DLG2: variants seen among roughly 807,000 people sequenced by gnomAD.
DLG2 encodes the protein discs large MAGUK scaffold protein 2.
DLG2 carries 45 observed loss-of-function variants against 132.5 expected under a neutral mutation model. The ratio of observed to expected loss-of-function variants is 0.34; its 90% CI spans 0.27 to 0.44. DLG2 has a LOEUF of 0.44. DLG2 is among the 20% of genes least tolerant of loss of function. The pLI, the probability that DLG2 is intolerant of heterozygous loss-of-function variation, is 1.00. For missense variants in DLG2, 1,045 were observed against 1,196.9 expected, an observed-to-expected ratio of 0.87 and a Z score of 1.87; for synonymous variants, 424 against 419.6, an observed-to-expected ratio of 1.01 and a Z score of -0.13.
At chr11:85,038,151 A>C (rs2154147845) in intron 6 of DLG2, among the ~76,000 whole-genome samples, 1 of 152,258 alleles carries the variant, frequency 6.6e-6, no homozygotes, top group South Asian at 2.1e-4. Context: ...TCTAGACCTC[A>C]TGATTCAGTT....
intron 8 of DLG2, among the ~76,000 whole-genome samples, chr11:84,177,552 C>A (rs2096004628): frequency 6.6e-6 from 1 of 152,144 alleles, no homozygotes; most frequent in Non-Finnish European, 1.5e-5. Context: ...AGTTCCTCCT[C>A]AATAAATTAC....
intron 7 of DLG2, among the ~76,000 whole-genome samples, chr11:84,390,568 T>C (rs2098789143): frequency 6.6e-6 from 1 of 152,020 alleles, no homozygotes; most frequent in Non-Finnish European, 1.5e-5. Flanking sequence ...CCGCAGGTGG[T>C]AAACAGGAAT....
chr11:84,483,701 G>A (rs1206272691), intron 7 of DLG2, among the ~76,000 whole-genome samples: 2 of 152,152 alleles, frequency 1.3e-5, no homozygotes, highest in Non-Finnish European at 2.9e-5. Flanking sequence ...AAGCAGTTAG[G>A]TACTTTTGAA....
chr11:84,188,051 C>A lies in DLG2; in HGVS notation c.574-24540G>T, dbSNP rs369449326. On this transcript the variant is annotated intron_variant, in intron 8 of 27. Coordinates refer to ENST00000376104, the MANE Select transcript of DLG2 (RefSeq NM_001142699.3). ...GCTGGTTTCCAGTCAACATTCAAAT[C>A]CATTTAAAAGCAGATTCCTATAAAG... Among the ~76,000 whole-genome samples the A allele has an allele frequency of 1.5e-4, 23 of 152,192 alleles. No individual in the cohort carries two copies. In the East Asian group the frequency reaches 4.2e-3, roughly 28 times the overall value.
At chr11:85,158,288 T>A (rs2077741212) in intron 4 of DLG2, among the ~76,000 whole-genome samples, 1 of 152,216 alleles carries the variant, frequency 6.6e-6, no homozygotes, top group Admixed American at 6.5e-5. Context: ...GTAGGGACTC[T>A]GCATTTAATG....
At chr11:84,786,566 C>G (rs1399259382) in intron 6 of DLG2, among the ~76,000 whole-genome samples, 1 of 152,162 alleles carries the variant, frequency 6.6e-6, no homozygotes. Flanking sequence ...CTCTGTTCCG[C>G]CTTCCGTCCA....
chr11:84,482,452 T>C (rs1027221164), intron 7 of DLG2, among the ~76,000 whole-genome samples: 3 of 152,182 alleles, frequency 2.0e-5, no homozygotes, highest in Admixed American at 1.3e-4. Context: ...TATGAGAACA[T>C]TTTTGAAAAC....
intron 3 of DLG2, among the ~76,000 whole-genome samples, chr11:85,485,170 G>A (rs2093399939): frequency 6.6e-6 from 1 of 151,972 alleles, no homozygotes; most frequent in South Asian, 2.1e-4. Flanking sequence ...CATGGACACA[G>A]GAAGGGGAAT....
intron 3 of DLG2, among the ~76,000 whole-genome samples, chr11:85,464,334 A>T (rs1049746277): frequency 2.6e-5 from 4 of 152,138 alleles, no homozygotes; most frequent in African/African-American, 9.7e-5. Context: ...GAAGAACTGG[A>T]GTTACCACTC....
At chr11:83,553,571 T>G (rs981051636) in intron 19 of DLG2, among the ~76,000 whole-genome samples, 1 of 151,396 alleles carries the variant, frequency 6.6e-6, no homozygotes, top group African/African-American at 2.4e-5. Context: ...TGTAAGTCAC[T>G]TGGAATCACC....
chr11:84,697,355 C>T (rs531858592), intron 6 of DLG2, among the ~76,000 whole-genome samples: 2 of 151,454 alleles, frequency 1.3e-5, no homozygotes, highest in Admixed American at 6.6e-5. Flanking sequence ...CCAATCTCTT[C>T]CTAAGAATAC....
At chr11:84,712,004 CAG>C (rs2060508994) in intron 6 of DLG2, among the ~76,000 whole-genome samples, 1 of 151,980 alleles carries the variant, frequency 6.6e-6, no homozygotes, top group South Asian at 2.1e-4. Flanking sequence ...GATAAGCAAA[CAG>C]AATTTACAAT....
intron 6 of DLG2, among the ~76,000 whole-genome samples, chr11:84,956,962 T>C (rs1158679985): frequency 1.3e-5 from 2 of 152,338 alleles, no homozygotes; most frequent in African/African-American, 4.8e-5. Flanking sequence ...AATATTTTCA[T>C]ATATCTTTGT....
intron 6 of DLG2, among the ~76,000 whole-genome samples, chr11:84,619,842 T>C (rs1177519702): frequency 2.0e-5 from 3 of 151,678 alleles, no homozygotes; most frequent in Non-Finnish European, 4.4e-5. Flanking sequence ...TCTATATTTA[T>C]AAATAGAAAA....
At chr11:85,450,949 A>C (rs1347838217) in intron 3 of DLG2, among the ~76,000 whole-genome samples, 2 of 151,928 alleles carry the variant, frequency 1.3e-5, no homozygotes, top group Non-Finnish European at 2.9e-5. Flanking sequence ...TCATCTCCTC[A>C]ATCTACATTC....
intron 6 of DLG2, among the ~76,000 whole-genome samples, chr11:84,698,754 C>G (rs2058881286): frequency 1.3e-5 from 2 of 151,206 alleles, no homozygotes; most frequent in South Asian, 2.1e-4. Context: ...GATGAAGACA[C>G]AGTTAATTTA....
intron 18 of DLG2, among the ~76,000 whole-genome samples, chr11:83,724,086 G>A (rs747020255): frequency 6.6e-5 from 10 of 152,174 alleles, no homozygotes; most frequent in South Asian, 2.1e-4. Context: ...TAAGGTAACC[G>A]TGCCCCCTGG....
At chr11:85,238,217 ATTTATTTAT>A (rs1212962900) in intron 4 of DLG2, among the ~76,000 whole-genome samples, 1 of 125,594 alleles carries the variant, frequency 8.0e-6, no homozygotes, top group African/African-American at 3.3e-5. Flanking sequence ...TTATTTATTT[ATTTATTTAT>A]TTATTTATTT....
intron 18 of DLG2, among the ~76,000 whole-genome samples, chr11:83,728,545 C>T (rs1410998188): frequency 6.6e-6 from 1 of 152,178 alleles, no homozygotes; most frequent in African/African-American, 2.4e-5. Context: ...CCTGTTATTC[C>T]AGCATTTCTC....
Sources: allele counts gnomAD v4.1 joint callset (sites outside exome capture counted in the v4.1 genomes callset), GRCh38; gene constraint gnomAD v4.1.1; transcripts MANE v1.5; gene names NCBI Gene and HGNC (gene_info 2026-07-23, HGNC 2026-07-21).